Variants in STX3 observed in about 807,000 individuals in gnomAD.
The protein encoded by STX3 is syntaxin 3.
Under a neutral mutation model 40.2 loss-of-function variants are expected in STX3, and 19 were observed. The ratio of observed to expected loss-of-function variants is 0.47; its 90% CI spans 0.33 to 0.69. STX3 has a LOEUF of 0.69. Ranked by LOEUF, STX3 falls within the 30% of genes least tolerant of loss-of-function variation. The pLI is 0.02. For synonymous variants in STX3, 122 were observed against 132.2 expected, an observed-to-expected ratio of 0.92 and a Z score of 0.53; for missense variants, 364 against 366.7, an observed-to-expected ratio of 0.99 and a Z score of 0.06.
chr11:59,755,421 G>GCGGAGGCTCCCGTGGCCT lies in STX3; in HGVS notation c.-180_-163dup. 1 of 514,984 alleles carries GCGGAGGCTCCCGTGGCCT rather than the reference G, an allele frequency of 1.9e-6. No homozygotes were observed. The highest frequency in any genetic ancestry group is 3.0e-6 in the Non-Finnish European group (1 of 328,284). The allele number at this position is 514,984 out of a possible 1,614,324, so 31.9% of individuals were successfully genotyped here. A position where few individuals can be genotyped will look rare whatever the true frequency, so the allele number is the denominator to read the frequency against. On this transcript the variant is annotated 5_prime_UTR_variant, in exon 1 of 11. Transcript: ENST00000337979. The stretch of plus-strand genomic sequence containing the variant: ...CGGTGGGGGCGGAGGGGGCTGCGCG[G>GCGGAGGCTCCCGTGGCCT]CGGAGGCTCCCGTGGCCTCGGACGC...
At chr11:59,768,266 C>T (rs943273543) in intron 1 of STX3, among the ~76,000 whole-genome samples, 1 of 152,140 alleles carries the variant, frequency 6.6e-6, no homozygotes, top group Non-Finnish European at 1.5e-5. Context: ...TCAACTTCAA[C>T]TTTCTAGGTG....
At chr11:59,759,294 G>C (rs1151063) in intron 1 of STX3, among the ~76,000 whole-genome samples, 16,681 of 152,094 alleles carry the variant, frequency 0.11, 1,280 homozygotes, top group African/African-American at 0.2. Flanking sequence ...AATCACTCTC[G>C]CATTGGTGTA....
chr11:59,792,229 G>A lies in STX3; in HGVS notation c.466+14G>A. The A allele has an allele frequency of 6.2e-7, 1 of 1,609,562 alleles. No homozygotes were observed. The highest frequency in any genetic ancestry group is 8.5e-7 in the Non-Finnish European group (1 of 1,176,976). Reference sequence around the variant, plus strand: ...AGCTCGAAATTAGTATGTACTTGAGGTTTGGCGTGTGCCCTCCACCTTTCC... The same window carrying A: ...AGCTCGAAATTAGTATGTACTTGAGATTTGGCGTGTGCCCTCCACCTTTCC... On this transcript the variant is annotated intron_variant, in intron 6 of 10. Transcript: ENST00000337979.
chr11:59,795,327 G>T, intron 8 of STX3, 45 bp from the exon 9 acceptor site: 1 of 1,526,922 alleles, frequency 6.5e-7, no homozygotes, highest in South Asian at 1.2e-5. Context: ...GGCTAGGACT[G>T]ACCTGAGACG....
At position 59,805,705 on chromosome 11, in the gene STX3, ACT is replaced by A. The variant is rs1866065628; in HGVS notation, c.*4885_*4886del. On this transcript the variant is annotated 3_prime_UTR_variant, in exon 11 of 11. Coordinates refer to ENST00000337979, the MANE Select transcript of STX3 (RefSeq NM_004177.5). ...CAGGGGCACAAACATAGAGCCAAACACTCTCCCTCTTGGAGAATTTCAGACCC... is the reference window on the plus strand; with the variant it reads ...CAGGGGCACAAACATAGAGCCAAACACTCCCTCTTGGAGAATTTCAGACCC... 1 of 152,202 alleles carries A rather than the reference ACT, an allele frequency of 6.6e-6. No homozygotes were observed. Among genetic ancestry groups the A allele is most frequent in the Non-Finnish European group, 1.5e-5 (1 of 68,274 alleles). 9.4% of individuals were successfully genotyped at this position (152,202 alleles called of 1,614,324 possible).
chr11:59,755,366 C>A (rs1366201154), upstream of STX3: 9 of 335,406 alleles, frequency 2.7e-5, no homozygotes, highest in Admixed American at 5.0e-5. Context: ...CCGGCGCCGG[C>A]CCGGGAGCCG....
At position 59,803,783 on chromosome 11, in the gene STX3, A is replaced by G. The variant is rs953984062; in HGVS notation, c.*2959A>G. The G allele has an allele frequency of 6.5e-6, 1 of 152,736 alleles. No individual in the cohort carries two copies. Among genetic ancestry groups the G allele is most frequent in the African/African-American group, 2.4e-5 (1 of 41,422 alleles). 9.5% of individuals were successfully genotyped at this position (152,736 alleles called of 1,614,324 possible). A position where few individuals can be genotyped will look rare whatever the true frequency, so the allele number is the denominator to read the frequency against. On this transcript the variant is annotated 3_prime_UTR_variant, in exon 11 of 11. Transcript: ENST00000337979. ...AGGGATTTGGTGATCCCAGCCACGA[A>G]CACCATGCTATATAATCTATGATTT...
chr11:59,775,866 C>G (rs1863937742), intron 2 of STX3, among the ~76,000 whole-genome samples: 1 of 152,080 alleles, frequency 6.6e-6, no homozygotes, highest in Admixed American at 6.5e-5. Context: ...CCCCGTGAAA[C>G]TTATATTTAG....
chr11:59,787,016 T>G (rs1289178350), intron 2 of STX3, 21 bp from the exon 3 acceptor site: 28 of 1,602,308 alleles, frequency 1.7e-5, no homozygotes, highest in Non-Finnish European at 2.3e-5. Flanking sequence ...ATGATGAAGG[T>G]TATTGTCTTT....
rs2135020122 is a variant in STX3 at position 59,793,321 on chromosome 11, G to A, written c.541-59G>A. 3 of 1,602,594 alleles carry A rather than the reference G, an allele frequency of 1.9e-6. No homozygotes were observed. The South Asian group carries it at 3.3e-5, about 18-fold the overall frequency. On this transcript the variant is annotated intron_variant, in intron 7 of 10. Coordinates refer to ENST00000337979, the MANE Select transcript of STX3 (RefSeq NM_004177.5). ...CTCCCCAGGAGCGTGCATGAGGGCT[G>A]TGGCAGGGGCAGCCTTTCTTGCAGG... is the stretch of plus-strand genomic sequence containing the variant.
intron 9 of STX3, among the ~76,000 whole-genome samples, chr11:59,795,939 G>C (rs1865494549): frequency 6.6e-6 from 1 of 152,268 alleles, no homozygotes; most frequent in East Asian, 1.9e-4. Context: ...ACACTTGAAA[G>C]GCAGTTCTGT....
At chr11:59,797,765 T>C (rs1011827534) in intron 10 of STX3, among the ~76,000 whole-genome samples, 1 of 152,226 alleles carries the variant, frequency 6.6e-6, no homozygotes, top group Admixed American at 6.5e-5. Context: ...TCTTACTGAT[T>C]TTCATGGATG....
chr11:59,795,438 G>A lies in STX3; in HGVS notation c.742G>A (p.Asp248Asn). 1 of 1,613,630 alleles carries A rather than the reference G, an allele frequency of 6.2e-7. No homozygotes were observed. The highest frequency in any genetic ancestry group is 2.2e-5 in the East Asian group (1 of 44,886). Residue 248 changes from aspartate (D) to asparagine (N), a missense_variant, in exon 9 of 11, where the codon GAT (aspartate) becomes AAT (asparagine). Asp to Asn is a conservative substitution (Grantham distance 23, BLOSUM62 1). Transcript: ENST00000337979. ...HTVDHVEKAR[D>N]ETKKAVKYQS... ...AGTGGACCACGTGGAGAAGGCACGA[G>A]ATGAAACGAAAAAAGCTGTGAAATA... is the stretch of plus-strand genomic sequence containing the variant.
chr11:59,803,197 T>C lies in STX3; in HGVS notation c.*2373T>C, dbSNP rs1865963022. 8 of 1,231,608 alleles carry C rather than the reference T, an allele frequency of 6.5e-6. No homozygotes were observed. The highest frequency in any genetic ancestry group is 8.1e-6 in the Non-Finnish European group (8 of 987,948). 76.3% of individuals were successfully genotyped at this position (1,231,608 alleles called of 1,614,324 possible). A position where few individuals can be genotyped will look rare whatever the true frequency, so the allele number is the denominator to read the frequency against. On this transcript the variant is annotated 3_prime_UTR_variant, in exon 11 of 11. Transcript: ENST00000337979. The stretch of plus-strand genomic sequence containing the variant: ...GATGATGTTTCTCATGTATTCTTTC[T>C]TTCCTTGTCTGGATGAGCAGAAGAA...
chr11:59,797,673 C>T (rs1865603887), intron 10 of STX3, among the ~76,000 whole-genome samples: 1 of 152,172 alleles, frequency 6.6e-6, no homozygotes, highest in Non-Finnish European at 1.5e-5. Context: ...ACCTGAGCAC[C>T]CCAGGTGACT....
chr11:59,761,653 A>C (rs1459198366), intron 1 of STX3, among the ~76,000 whole-genome samples: 1 of 151,984 alleles, frequency 6.6e-6, no homozygotes, highest in Non-Finnish European at 1.5e-5. Flanking sequence ...CTCCTCTCTC[A>C]GGGTAGCCTG....
intron 10 of STX3, among the ~76,000 whole-genome samples, chr11:59,798,681 G>A (rs1265906789): frequency 2.0e-5 from 3 of 150,978 alleles, no homozygotes; most frequent in Admixed American, 6.6e-5. Flanking sequence ...CACCACGCCC[G>A]GCTAATTTTT....
upstream of STX3, chr11:59,754,300 T>A (rs1862603189): frequency 6.6e-6 from 1 of 152,120 alleles, no homozygotes; most frequent in Non-Finnish European, 1.5e-5. Flanking sequence ...TGGGAGCCGA[T>A]GAGGTCAGCA....
rs1235147045 is a variant in STX3 at position 59,780,595 on chromosome 11, T to A, written c.115-6442T>A. Among the ~76,000 whole-genome samples the A allele has an allele frequency of 4.6e-5, 7 of 152,286 alleles. No homozygotes were observed. The East Asian group carries it at 1.4e-3, about 29-fold the overall frequency. ...GACATGCCTTCTTCATGGCCTCAGC[T>A]CTTTCTCAATAGACCCCGCCTCCAT... On this transcript the variant is annotated intron_variant, in intron 2 of 10. Coordinates refer to ENST00000337979, the MANE Select transcript of STX3 (RefSeq NM_004177.5).
Sources: allele counts gnomAD v4.1 joint callset (sites outside exome capture counted in the v4.1 genomes callset), GRCh38; gene constraint gnomAD v4.1.1; transcripts MANE v1.5; gene names NCBI Gene and HGNC (gene_info 2026-07-23, HGNC 2026-07-21).